The following LIMD1 variants were observed in gnomAD, a reference collection of about 807,000 sequenced individuals.
LIMD1 encodes the protein LIM domain containing 1.
LIMD1 carries 23 observed loss-of-function variants against 58.4 expected under a neutral mutation model. That is an observed-to-expected ratio of 0.39 (90% CI 0.28 to 0.56). The LOEUF (loss-of-function observed/expected upper bound fraction) is 0.56. Ranked by LOEUF, LIMD1 falls within the 20% of genes least tolerant of loss-of-function variation. The pLI is 0.57. For missense variants in LIMD1, 838 were observed against 855.5 expected, an observed-to-expected ratio of 0.98 and a Z score of 0.25; for synonymous variants, 334 against 345.5, an observed-to-expected ratio of 0.97 and a Z score of 0.37.
intron 2 of LIMD1, among the ~76,000 whole-genome samples, chr3:45,655,766 T>C (rs1427436567): frequency 3.9e-5 from 6 of 152,228 alleles, no homozygotes; most frequent in African/African-American, 9.7e-5. Flanking sequence ...CTGTCCTTAT[T>C]AGCTCTGCCA....
chr3:45,660,005 T>C (rs1358630447), intron 2 of LIMD1, among the ~76,000 whole-genome samples: 3 of 152,268 alleles, frequency 2.0e-5, no homozygotes, highest in African/African-American at 7.2e-5. Flanking sequence ...TCAGTGCTTC[T>C]GCATGTTCAA....
At position 45,595,905 on chromosome 3, in the gene LIMD1, A is replaced by G; in HGVS notation, c.1026A>G (p.Lys342=). The part of the protein sequence containing the change: ...DPQPWFQDGP[K]SYLSSSAPSS... ...AACCCTGGTTCCAGGATGGGCCCAA[A>G]TCTTACCTTTCCAGTTCTGCCCCGT... The change falls in exon 1 of 8, where the codon AAA becomes AAG. Residue 342 remains lysine (K), a synonymous_variant. Transcript: ENST00000273317. 1 of 1,614,120 alleles carries G rather than the reference A, an allele frequency of 6.2e-7. No homozygotes were observed. The highest frequency in any genetic ancestry group is 2.2e-5 in the East Asian group (1 of 44,878).
Position 45,599,174 on chromosome 3 carries a change from A to G in LIMD1, c.1408+2887A>G, listed in dbSNP as rs189775217. On this transcript the variant is annotated intron_variant, in intron 1 of 7. Coordinates refer to ENST00000273317, the MANE Select transcript of LIMD1 (RefSeq NM_014240.3). ...TTTTTTTAATTGAGATGAAATTCAC[A>G]TAATGTAAAATTAACCATTTTGAAG... Among the ~76,000 whole-genome samples the G allele has an allele frequency of 9.9e-5, 15 of 152,238 alleles. No individual in the cohort carries two copies. In the East Asian group the frequency reaches 2.5e-3, roughly 25 times the overall value.
chr3:45,673,595 C>G, intron 6 of LIMD1, 90 bp downstream of exon 6: 1 of 1,096,844 alleles, frequency 9.1e-7, no homozygotes, highest in Non-Finnish European at 1.4e-6. Flanking sequence ...CCTGTCCTTA[C>G]AGCTTTTAAG....
At chr3:45,645,842 C>G (rs966458136) in intron 2 of LIMD1, among the ~76,000 whole-genome samples, 3 of 152,070 alleles carry the variant, frequency 2.0e-5, no homozygotes, top group African/African-American at 7.2e-5. Flanking sequence ...CCTTCTCTTT[C>G]CCTTCCCTCC....
intron 1 of LIMD1, among the ~76,000 whole-genome samples, chr3:45,614,072 A>G (rs1395042566): frequency 1.3e-5 from 2 of 151,702 alleles, no homozygotes; most frequent in African/African-American, 2.4e-5. Context: ...TACCCTCCCA[A>G]TTTCCTCTGT....
At position 45,636,850 on chromosome 3, in the gene LIMD1, G is replaced by A. The variant is rs552541001; in HGVS notation, c.1510+599G>A. ...AATTCAAGCAGCCCATCAGGAGTCT[G>A]GATTGAATGGATGGCAACCGCTCCC... On this transcript the variant is annotated intron_variant, in intron 2 of 7. Transcript: ENST00000273317. Among the ~76,000 whole-genome samples, 4 of 152,326 alleles carry A rather than the reference G, an allele frequency of 2.6e-5. No homozygotes were observed. The East Asian group carries it at 7.7e-4, about 29-fold the overall frequency.
chr3:45,611,935 C>T (rs956061243), intron 1 of LIMD1, among the ~76,000 whole-genome samples: 50 of 152,230 alleles, frequency 3.3e-4, no homozygotes, highest in African/African-American at 1.1e-3. Flanking sequence ...GGCATCTCTG[C>T]CCAAATTTGT....
At position 45,668,274 on chromosome 3, in the gene LIMD1, C is replaced by A; in HGVS notation, c.1579-20C>A. ...ATCTTACCAGTCTGGGTTTAACTTT[C>A]TTTTCTTTTTCTTCTGCAGTACTCT... On this transcript the variant is annotated intron_variant, in intron 3 of 7. Coordinates refer to ENST00000273317, the MANE Select transcript of LIMD1 (RefSeq NM_014240.3). 6.2e-7 allele frequency: 1 copy of A among 1,606,166 alleles called. No individual in the cohort carries two copies. Among genetic ancestry groups the A allele is most frequent in the Non-Finnish European group, 8.5e-7 (1 of 1,176,144 alleles).
chr3:45,637,287 T>TTC (rs2125658885), intron 2 of LIMD1, among the ~76,000 whole-genome samples: 1 of 151,600 alleles, frequency 6.6e-6, no homozygotes, highest in African/African-American at 2.4e-5. Context: ...TATTAATTTT[T>TTC]TTTTTTTTTT....
chr3:45,632,511 G>T, intron 1 of LIMD1: 1 of 985,296 alleles, frequency 1.0e-6, no homozygotes, highest in Non-Finnish European at 1.2e-6. Flanking sequence ...AAGTGCTTGT[G>T]GGGGAACAGA....
intron 1 of LIMD1, among the ~76,000 whole-genome samples, chr3:45,617,121 CCTCTCA>C (rs1019835380): frequency 7.3e-5 from 11 of 150,644 alleles, no homozygotes; most frequent in Non-Finnish European, 1.5e-4. Flanking sequence ...GCAGCCTCTG[CCTCTCA>C]GGTTCAAGCA....
chr3:45,627,058 G>A (rs138604160), intron 1 of LIMD1, among the ~76,000 whole-genome samples: 25 of 152,094 alleles, frequency 1.6e-4, no homozygotes, highest in South Asian at 8.3e-4. Context: ...TGGTGTCCCC[G>A]AAGGAGAGGC....
intron 2 of LIMD1, among the ~76,000 whole-genome samples, chr3:45,648,524 AAAT>A (rs1701929969): frequency 6.6e-6 from 1 of 152,216 alleles, no homozygotes; most frequent in Non-Finnish European, 1.5e-5. Flanking sequence ...TGGCTATTAT[AAAT>A]AATGTTGCTA....
intron 2 of LIMD1, among the ~76,000 whole-genome samples, chr3:45,647,403 C>T (rs1349618408): frequency 6.6e-6 from 1 of 152,170 alleles, no homozygotes; most frequent in Non-Finnish European, 1.5e-5. Flanking sequence ...GAGTGTGGAT[C>T]CTGTGGCCAG....
Position 45,596,242 on chromosome 3 carries a change from C to T in LIMD1, c.1363C>T (p.Arg455Cys), listed in dbSNP as rs781168781. 8.1e-6 allele frequency: 13 copies of T among 1,611,802 alleles called. No homozygotes were observed. The highest frequency in any genetic ancestry group is 1.7e-4 in the Middle Eastern group (1 of 6,060). The change falls in exon 1 of 8, where the codon CGT becomes TGT. Residue 455 changes from arginine to cysteine, a missense_variant. This residue lies in a region of LIMD1 where 659 missense variants were observed against 639.8 expected (regional missense o/e 1.03). Coordinates refer to ENST00000273317, the MANE Select transcript of LIMD1 (RefSeq NM_014240.3). The part of the protein sequence containing the change: ...AELKLEALTQ[R>C]LEREMDAHPK... ...GTTGAAATTAGAAGCCCTCACCCAA[C>T]GTCTGGAGCGAGAGATGGATGCTCA...
intron 6 of LIMD1, 79 bp from the exon 7 acceptor site, chr3:45,674,264 C>A: frequency 2.8e-6 from 3 of 1,083,020 alleles, no homozygotes; most frequent in Non-Finnish European, 4.2e-6. Flanking sequence ...CCTCTTCCCT[C>A]CCCACCCCAC....
At chr3:45,641,610 A>G (rs1400249663) in intron 2 of LIMD1, among the ~76,000 whole-genome samples, 1 of 151,794 alleles carries the variant, frequency 6.6e-6, no homozygotes, top group African/African-American at 2.4e-5. Context: ...ACTGCATTAA[A>G]CCATGGTATT....
chr3:45,675,465 G>C (rs1161994813), intron 7 of LIMD1, among the ~76,000 whole-genome samples: 1 of 152,156 alleles, frequency 6.6e-6, no homozygotes, highest in Non-Finnish European at 1.5e-5. Context: ...GGAAGTGGAG[G>C]TTGCAGTGAC....
Sources: gnomAD v4.1 joint callset for allele counts (sites outside exome capture counted in the v4.1 genomes callset) on GRCh38, gnomAD v4.1.1 for gene constraint, gnomAD v4.1.1 regional missense constraint, MANE v1.5 for transcripts, NCBI Gene and HGNC (gene_info 2026-07-23, HGNC 2026-07-21) for gene names.